Variants in UBE3D observed in about 807,000 individuals in gnomAD.
UBE3D encodes ubiquitin protein ligase E3D, also known as E3 ubiquitin-protein ligase E3D.
A neutral mutation model predicts 49.6 loss-of-function variants in UBE3D; 48 were observed. That is an observed-to-expected ratio of 0.97 (90% CI 0.77 to 1.23). UBE3D has a LOEUF of 1.23. UBE3D is among the 50% of genes most tolerant of loss of function. The pLI is 0.00. For missense variants in UBE3D, 452 were observed against 468.4 expected, an observed-to-expected ratio of 0.96 and a Z score of 0.32; for synonymous variants, 189 against 174.2, an observed-to-expected ratio of 1.08 and a Z score of -0.67.
intron 3 of UBE3D, among the ~76,000 whole-genome samples, chr6:83,047,932 A>C (rs1184131283): frequency 6.6e-6 from 1 of 151,830 alleles, no homozygotes; most frequent in Non-Finnish European, 1.5e-5. Context: ...AATACAAAAA[A>C]TTAGCCGGGA....
chr6:83,042,566 T>C (rs1782748986), intron 4 of UBE3D, among the ~76,000 whole-genome samples: 1 of 152,210 alleles, frequency 6.6e-6, no homozygotes, highest in African/African-American at 2.4e-5. Flanking sequence ...GTGTGGGAAC[T>C]CTACAGAGCA....
At chr6:82,915,987 T>C (rs1000755285) in intron 9 of UBE3D, among the ~76,000 whole-genome samples, 22 of 152,190 alleles carry the variant, frequency 1.4e-4, no homozygotes, top group African/African-American at 4.3e-4. Context: ...TGGTCTCTAA[T>C]AGTCATTGAA....
At chr6:82,913,491 C>G (rs781259966) in intron 9 of UBE3D, among the ~76,000 whole-genome samples, 1 of 152,192 alleles carries the variant, frequency 6.6e-6, no homozygotes, top group Non-Finnish European at 1.5e-5. Flanking sequence ...ACTTCATTTA[C>G]CCATGACCCA....
chr6:82,989,655 T>C (rs1350008060), intron 8 of UBE3D, among the ~76,000 whole-genome samples: 4 of 152,170 alleles, frequency 2.6e-5, no homozygotes, highest in Non-Finnish European at 4.4e-5. Flanking sequence ...CCCGGATTTG[T>C]CTTAGTGGCT....
At chr6:82,937,425 A>G (rs779740232) in intron 9 of UBE3D, among the ~76,000 whole-genome samples, 1 of 152,216 alleles carries the variant, frequency 6.6e-6, no homozygotes, top group East Asian at 1.9e-4. Context: ...AGTTATTTCA[A>G]TCTTGATCCC....
chr6:82,932,259 A>G (rs1335516788), intron 9 of UBE3D, among the ~76,000 whole-genome samples: 1 of 152,198 alleles, frequency 6.6e-6, no homozygotes, highest in African/African-American at 2.4e-5. Context: ...CCACTACAGT[A>G]TCATATAGAG....
chr6:82,908,233 TG>T (rs1159366360), intron 9 of UBE3D, among the ~76,000 whole-genome samples: 2 of 152,182 alleles, frequency 1.3e-5, no homozygotes, highest in African/African-American at 4.8e-5. Flanking sequence ...GAAATGGATA[TG>T]ATCTAAATCT....
At chr6:82,953,058 T>G (rs1237025072) in intron 9 of UBE3D, among the ~76,000 whole-genome samples, 1 of 152,228 alleles carries the variant, frequency 6.6e-6, no homozygotes, top group Non-Finnish European at 1.5e-5. Context: ...GGTTAAGAGC[T>G]GGTTGCTGCC....
In UBE3D at chr6:82,957,388, C is replaced by A. The variant is rs1296197437; in HGVS notation, c.1073G>T (p.Cys358Phe). The A allele has an allele frequency of 6.2e-7, 1 of 1,614,066 alleles. No individual in the cohort carries two copies. The highest frequency in any genetic ancestry group is 8.5e-7 in the Non-Finnish European group (1 of 1,179,994). ...TGACAATATCAACAGCAGCTCCAAG[C>A]AGGTTGCAGAGGGCAGGGTTAGCGG... is the stretch of plus-strand genomic sequence containing the variant. The part of the protein sequence containing the change: ...VHPLTLPSAT[C>F]LELLLILSKS... The change falls in exon 9 of 10, where the codon TGC (cysteine) becomes TTC (phenylalanine). Residue 358 changes from cysteine (C) to phenylalanine (F), a missense_variant. Transcript: ENST00000369747.
At chr6:82,995,863 T>C (rs1779205044) in intron 8 of UBE3D, among the ~76,000 whole-genome samples, 1 of 152,092 alleles carries the variant, frequency 6.6e-6, no homozygotes, top group Non-Finnish European at 1.5e-5. Context: ...GGTCAGGACT[T>C]GGAGACCAGC....
intron 8 of UBE3D, among the ~76,000 whole-genome samples, chr6:82,977,834 G>A (rs539865905): frequency 1.0e-3 from 155 of 152,106 alleles, no homozygotes; most frequent in African/African-American, 3.4e-3. Context: ...GCAAAACTCC[G>A]TCTCAAAAAA....
At chr6:82,921,360 C>A (rs530817091) in intron 9 of UBE3D, among the ~76,000 whole-genome samples, 9 of 152,230 alleles carry the variant, frequency 5.9e-5, no homozygotes, top group African/African-American at 1.9e-4. Context: ...GGGCTGAAAA[C>A]AGAATTTTCC....
chr6:82,983,316 G>A (rs1778238457), intron 8 of UBE3D, among the ~76,000 whole-genome samples: 2 of 151,968 alleles, frequency 1.3e-5, no homozygotes, highest in African/African-American at 2.4e-5. Context: ...TTTTTGACAT[G>A]ACCCTAATAA....
chr6:82,944,210 C>T (rs1386832678), intron 9 of UBE3D, among the ~76,000 whole-genome samples: 1 of 152,222 alleles, frequency 6.6e-6, no homozygotes, highest in Admixed American at 6.5e-5. Flanking sequence ...CTTCCTTTCA[C>T]TTGAAGAGAG....
chr6:82,983,689 C>A (rs919713066), intron 8 of UBE3D, among the ~76,000 whole-genome samples: 3 of 152,062 alleles, frequency 2.0e-5, no homozygotes, highest in African/African-American at 7.2e-5. Context: ...TCTCATGACA[C>A]CAACATAATT....
At chr6:83,048,611 T>C (rs1160561603) in intron 3 of UBE3D, among the ~76,000 whole-genome samples, 2 of 152,218 alleles carry the variant, frequency 1.3e-5, no homozygotes, top group African/African-American at 4.8e-5. Flanking sequence ...AAACTTAATG[T>C]GACCATATAT....
At position 83,057,829 on chromosome 6, in the gene UBE3D, T is replaced by G. The variant is rs767260415; in HGVS notation, c.271A>C (p.Thr91Pro). The G allele has an allele frequency of 1.9e-6, 3 of 1,613,960 alleles. No homozygotes were observed. In the South Asian group the frequency reaches 3.3e-5, roughly 18 times the overall value. The stretch of plus-strand genomic sequence containing the variant: ...CAGAAGTGCTAATATTACTCACTTG[T>G]GCCTAATTTTGCTTGCGTCTGCAGT... ...LRLQTQAKLG[T>P]KLISMFNQSS... is the part of the protein sequence containing the mutation. Residue 91 changes from threonine (T) to proline (P), a missense_variant, in exon 2 of 10, where the codon ACA becomes CCA. Transcript: ENST00000369747.
intron 9 of UBE3D, among the ~76,000 whole-genome samples, chr6:82,942,148 C>T (rs1187884774): frequency 6.6e-6 from 1 of 152,112 alleles, no homozygotes; most frequent in Admixed American, 6.5e-5. Context: ...GAATGAAGTC[C>T]AGGCTGAGGT....
chr6:83,042,571 A>G (rs1782749694), intron 4 of UBE3D, among the ~76,000 whole-genome samples: 1 of 152,206 alleles, frequency 6.6e-6, no homozygotes, highest in Non-Finnish European at 1.5e-5. Context: ...GGAACTCTAC[A>G]GAGCAAACCT....
Sources: allele counts gnomAD v4.1 joint callset (sites outside exome capture counted in the v4.1 genomes callset), GRCh38; gene constraint gnomAD v4.1.1; transcripts MANE v1.5; gene names NCBI Gene and HGNC (gene_info 2026-07-23, HGNC 2026-07-21).